EPHB2: variants seen among roughly 807,000 people sequenced by gnomAD.
EPHB2 encodes the protein ephrin type-B receptor 2.
EPHB2 carries 18 observed loss-of-function variants against 96.4 expected under a neutral mutation model. The observed-to-expected ratio is 0.19, with a 90% confidence interval of 0.13 to 0.28. The LOEUF is 0.28. Among genes scored for constraint, EPHB2 ranks in the 10% least tolerant of loss-of-function variants. The probability of loss-of-function intolerance (pLI) is 1.00; values close to 1 mark genes in which losing one functional copy is unlikely to be tolerated. For missense variants in EPHB2, 989 were observed against 1,355.4 expected (o/e 0.73, Z 4.25); for synonymous variants, 506 against 534.1 (o/e 0.95, Z 0.72).
At chr1:22,726,669 G>T (rs999263548) in intron 1 of EPHB2, among the ~76,000 whole-genome samples, 1 of 152,052 alleles carries the variant, frequency 6.6e-6, no homozygotes. Flanking sequence ...TGATCTGCCC[G>T]CCTCAGCCTC....
chr1:22,723,037 G>A (rs537872626), intron 1 of EPHB2, among the ~76,000 whole-genome samples: 1 of 152,220 alleles, frequency 6.6e-6, no homozygotes, highest in African/African-American at 2.4e-5. Context: ...GCACTGGGGC[G>A]GGGTGCAAGC....
intron 1 of EPHB2, among the ~76,000 whole-genome samples, chr1:22,767,185 A>C (rs1644318439): frequency 6.6e-6 from 1 of 152,156 alleles, no homozygotes; most frequent in African/African-American, 2.4e-5. Context: ...CCAAAACCAG[A>C]CTAGGAAAGG....
intron 1 of EPHB2, among the ~76,000 whole-genome samples, chr1:22,765,518 G>A (rs551952760): frequency 7.0e-6 from 1 of 142,820 alleles, no homozygotes; most frequent in Non-Finnish European, 1.5e-5. Context: ...CTGCACTCCG[G>A]CCTGGGTGAC....
rs139963223 is a variant in EPHB2 at position 22,874,624 on chromosome 1, T to C, written c.1304-7735T>C. Among the ~76,000 whole-genome samples, 932 of 152,144 alleles carry C rather than the reference T, an allele frequency of 6.1e-3. 4 individuals are homozygous for C. Among genetic ancestry groups the C allele is most frequent in the African/African-American group, 0.02 (848 of 41,504 alleles). On this transcript the variant is annotated intron_variant, in intron 5 of 15. Transcript: ENST00000374630. ...TCCTGTCGGTCTCTTCCTTTCCTCA[T>C]TGGTAAAAAGGGAGGGATTAACCCC...
chr1:22,850,394 C>T (rs1422181234), intron 3 of EPHB2, among the ~76,000 whole-genome samples: 1 of 152,192 alleles, frequency 6.6e-6, no homozygotes. Flanking sequence ...AGATGCTCCC[C>T]AGCTCCGCCA....
At chr1:22,803,054 G>C (rs903851194) in intron 3 of EPHB2, among the ~76,000 whole-genome samples, 6 of 152,140 alleles carry the variant, frequency 3.9e-5, no homozygotes, top group African/African-American at 1.2e-4. Flanking sequence ...CCTTTCTAGA[G>C]GAAGGGCCAC....
intron 9 of EPHB2, among the ~76,000 whole-genome samples, chr1:22,899,325 A>AGGGCT (rs1639674256): frequency 6.6e-6 from 1 of 151,852 alleles, no homozygotes; most frequent in East Asian, 1.9e-4. Context: ...AACATGGTGA[A>AGGGCT]ACCCCATCTC....
chr1:22,737,254 C>T (rs570276811), intron 1 of EPHB2, among the ~76,000 whole-genome samples: 2 of 152,244 alleles, frequency 1.3e-5, no homozygotes, highest in African/African-American at 4.8e-5. Context: ...TTCTGAACCC[C>T]ACAAAGCATC....
intron 3 of EPHB2, among the ~76,000 whole-genome samples, chr1:22,802,559 C>T (rs1045239362): frequency 1.3e-5 from 2 of 152,052 alleles, no homozygotes; most frequent in African/African-American, 2.4e-5. Flanking sequence ...TGGTTTACAG[C>T]TGTGGAAACT....
At chr1:22,911,721 A>T (rs1640110398) in intron 14 of EPHB2, among the ~76,000 whole-genome samples, 1 of 152,072 alleles carries the variant, frequency 6.6e-6, no homozygotes, top group Non-Finnish European at 1.5e-5. Flanking sequence ...TATACTTAGG[A>T]TCTAGGGCTG....
At chr1:22,764,379 T>C (rs532549372) in intron 1 of EPHB2, among the ~76,000 whole-genome samples, 2 of 152,162 alleles carry the variant, frequency 1.3e-5, no homozygotes, top group Non-Finnish European at 2.9e-5. Context: ...ACTAATCTTG[T>C]TCCTATCCCA....
intron 1 of EPHB2, among the ~76,000 whole-genome samples, chr1:22,770,309 A>G (rs1644360725): frequency 6.6e-6 from 1 of 152,190 alleles, no homozygotes; most frequent in Non-Finnish European, 1.5e-5. Flanking sequence ...GGGTGAATGA[A>G]TAAACAGTAA....
intron 1 of EPHB2, among the ~76,000 whole-genome samples, chr1:22,719,359 G>GT (rs1385142876): frequency 2.6e-5 from 4 of 152,168 alleles, no homozygotes; most frequent in African/African-American, 7.2e-5. Context: ...CATCTATCCA[G>GT]TTCAAATTCT....
chr1:22,854,451 G>A (rs776480642), intron 3 of EPHB2, among the ~76,000 whole-genome samples: 1 of 152,174 alleles, frequency 6.6e-6, no homozygotes, highest in Non-Finnish European at 1.5e-5. Context: ...AGTCGAGGCT[G>A]CAGTGAGCCG....
intron 3 of EPHB2, among the ~76,000 whole-genome samples, chr1:22,796,448 G>A (rs912942758): frequency 5.3e-4 from 81 of 152,288 alleles, no homozygotes; most frequent in African/African-American, 1.9e-3. Context: ...TTGTTTTCTG[G>A]TCACAGTAAC....
In EPHB2 at chr1:22,882,081, G is replaced by C. The variant is rs144677861; in HGVS notation, c.1304-278G>C. On this transcript the variant is annotated intron_variant, in intron 5 of 15. Coordinates refer to ENST00000374630, the MANE Select transcript of EPHB2 (RefSeq NM_017449.5). ...ACAATTAACCATTTCTATCTCTACT[G>C]TCTCTCAACTTGATGTGGCCTGAGC... is the stretch of plus-strand genomic sequence containing the variant. Among the ~76,000 whole-genome samples, 144 of 152,282 alleles carry C rather than the reference G, an allele frequency of 9.5e-4. 2 individuals carry two copies. The highest frequency in any genetic ancestry group is 3.3e-3 in the African/African-American group (137 of 41,550).
At position 22,895,587 on chromosome 1, in the gene EPHB2, G is replaced by A. The variant is rs771452170; in HGVS notation, c.1700+7G>A. 10 of 1,614,032 alleles carry A rather than the reference G, an allele frequency of 6.2e-6. No individual in the cohort carries two copies. The South Asian group carries it at 7.7e-5, about 12-fold the overall frequency. Reference sequence around the variant, plus strand: ...TCGCCATCGTGTGTAACAGGTGGGTGGGGTCTCCAGGCTTGGCCAGGCCTG... The same window carrying A: ...TCGCCATCGTGTGTAACAGGTGGGTAGGGTCTCCAGGCTTGGCCAGGCCTG... On this transcript the variant is annotated splice_region_variant and intron_variant, in intron 8 of 15. Coordinates refer to ENST00000374630, the MANE Select transcript of EPHB2 (RefSeq NM_017449.5).
Position 22,916,252 on chromosome 1 carries a change from A to T in EPHB2, c.*2682A>T, listed in dbSNP as rs1640265260. On this transcript the variant is annotated 3_prime_UTR_variant, in exon 16 of 16. Coordinates refer to ENST00000374630, the MANE Select transcript of EPHB2 (RefSeq NM_017449.5). The surrounding 1 kb of genome is among the most constrained non-coding windows in gnomAD (Gnocchi z 4.2). ...CCCCCCAACTGTTCTGGGGCCCCAC[A>T]TGGGGCTGGCAGTCGGTGCTTCCCG... 1 of 152,332 alleles carries T rather than the reference A, an allele frequency of 6.6e-6. No individual in the cohort carries two copies. The highest frequency in any genetic ancestry group is 2.4e-5 in the African/African-American group (1 of 41,426). The allele number at this position is 152,332 out of a possible 1,614,324, so 9.4% of individuals were successfully genotyped here.
chr1:22,826,912 G>A (rs1425949730), intron 3 of EPHB2, among the ~76,000 whole-genome samples: 2 of 152,248 alleles, frequency 1.3e-5, no homozygotes, highest in Non-Finnish European at 2.9e-5. Context: ...AACCTAGAGA[G>A]GGTTTATAAA....
Sources: allele counts gnomAD v4.1 joint callset (sites outside exome capture counted in the v4.1 genomes callset), GRCh38; gene constraint gnomAD v4.1.1; non-coding constraint Gnocchi (gnomAD v3.1); transcripts MANE v1.5; gene names NCBI Gene and HGNC (gene_info 2026-07-23, HGNC 2026-07-21).